Variants in C1QL3 observed in about 807,000 individuals in gnomAD.
C1QL3 encodes the protein complement C1q-like protein 3.
In C1QL3, 4 loss-of-function variants were observed where a neutral mutation model predicts 16.6. The observed-to-expected ratio is 0.24, with a 90% confidence interval of 0.12 to 0.55. C1QL3 has a LOEUF of 0.55. Among genes scored for constraint, C1QL3 ranks in the 20% least tolerant of loss-of-function variants. The pLI, the probability that C1QL3 is intolerant of heterozygous loss-of-function variation, is 0.94. For missense variants in C1QL3, 269 were observed against 365.6 expected, an observed-to-expected ratio of 0.74 and a Z score of 2.16; for synonymous variants, 189 against 160.2, an observed-to-expected ratio of 1.18 and a Z score of -1.36.
rs866741804 is a variant in C1QL3 at position 16,514,447 on chromosome 10, C to T, written c.*81G>A. ...ACTGAGGTGCCCTGCCATTGGCATC[C>T]CCTGGGATCCTTGATTCACTGACGT... On this transcript the variant is annotated 3_prime_UTR_variant, in exon 2 of 2. Coordinates refer to ENST00000298943, the MANE Select transcript of C1QL3 (RefSeq NM_001010908.2). 1 of 1,238,092 alleles carries T rather than the reference C, an allele frequency of 8.1e-7. No homozygotes were observed. Among genetic ancestry groups the T allele is most frequent in the East Asian group, 2.3e-5 (1 of 42,930 alleles). The allele number at this position is 1,238,092 out of a possible 1,614,324, so 76.7% of individuals were successfully genotyped here.
intron 1 of C1QL3, among the ~76,000 whole-genome samples, chr10:16,519,114 C>CT (rs1250625997): frequency 7.4e-5 from 5 of 67,174 alleles, no homozygotes; most frequent in Admixed American, 4.1e-4. Flanking sequence ...CGTTTTTTGT[C>CT]TTTTTTCTCT....
intron 1 of C1QL3, among the ~76,000 whole-genome samples, chr10:16,517,252 G>A (rs978306714): frequency 2.0e-5 from 3 of 152,088 alleles, no homozygotes; most frequent in African/African-American, 7.2e-5. Flanking sequence ...TCTGCTTTAT[G>A]TTTAGTCCGT....
chr10:16,520,481 G>T lies in C1QL3; in HGVS notation c.585C>A (p.Asn195Lys), dbSNP rs1460663342. 1 of 1,569,452 alleles carries T rather than the reference G, an allele frequency of 6.4e-7. No homozygotes were observed. The highest frequency in any genetic ancestry group is 8.6e-7 in the Non-Finnish European group (1 of 1,156,420). ...CCCGCCGCCCGCCCGCGCTCACCTG[G>T]TTGTTTTTGCAGAGATCAGCCCACA... ...TSMWADLCKNNQVRASAIAQD... is the reference protein window; with the variant it reads ...TSMWADLCKNKQVRASAIAQD... The change falls in exon 1 of 2, where the codon AAC becomes AAA. Residue 195 changes from asparagine to lysine, a missense_variant. Coordinates refer to ENST00000298943, the MANE Select transcript of C1QL3 (RefSeq NM_001010908.2). The surrounding 1 kb of genome is among the most constrained non-coding windows in gnomAD (Gnocchi z 8.3).
rs1420444046 is a variant in C1QL3 at position 16,520,384 on chromosome 10, G to A, written c.588+94C>T. The A allele has an allele frequency of 1.2e-5, 12 of 988,980 alleles. No individual in the cohort carries two copies. Among genetic ancestry groups the A allele is most frequent in the East Asian group, 3.0e-5 (1 of 33,608 alleles). The allele number at this position is 988,980 out of a possible 1,614,324, so 61.3% of individuals were successfully genotyped here. ...AGCCCGGCCGCCGCGCCCTTCCTCCGCGGGCTCCCACCCCCATTTCCGGGG... is the reference window on the plus strand; with the variant it reads ...AGCCCGGCCGCCGCGCCCTTCCTCCACGGGCTCCCACCCCCATTTCCGGGG... On this transcript the variant is annotated intron_variant, in intron 1 of 1. Coordinates refer to ENST00000298943, the MANE Select transcript of C1QL3 (RefSeq NM_001010908.2). The surrounding 1 kb of genome is among the most constrained non-coding windows in gnomAD (Gnocchi z 8.3).
intron 1 of C1QL3, among the ~76,000 whole-genome samples, chr10:16,516,907 A>G (rs887879005): frequency 3.9e-5 from 6 of 152,172 alleles, no homozygotes; most frequent in African/African-American, 1.4e-4. Context: ...CCTATACTGT[A>G]CCGTAAGACT....
Position 16,521,079 on chromosome 10 carries a change from GC to G in C1QL3, c.-15del. On this transcript the variant is annotated 5_prime_UTR_variant, in exon 1 of 2. Transcript: ENST00000298943. ...CAGCAGCACCATCACCACCCCCAGC[GC>G]CCCGGCGGCGATCAGGCGCCTCCTG... 1 of 1,587,992 alleles carries G rather than the reference GC, an allele frequency of 6.3e-7. No homozygotes were observed. The highest frequency in any genetic ancestry group is 8.5e-7 in the Non-Finnish European group (1 of 1,173,352).
chr10:16,517,629 C>T (rs1275196248), intron 1 of C1QL3, among the ~76,000 whole-genome samples: 1 of 152,100 alleles, frequency 6.6e-6, no homozygotes, highest in Non-Finnish European at 1.5e-5. Context: ...GGGCTTTCAA[C>T]AAATGGTAGG....
rs1261428134 is a variant in C1QL3 at position 16,521,058 on chromosome 10, A to G, written c.8T>C (p.Leu3Pro). The change falls in exon 1 of 2, where the codon CTG (leucine) becomes CCG (proline). Residue 3 changes from leucine (L) to proline (P), a missense_variant. Leu to Pro is a moderately conservative substitution (Grantham distance 98). Transcript: ENST00000298943. ...CACCGGGATGAGGATCACCAGCAGC[A>G]GCACCATCACCACCCCCAGCGCCCC... The part of the protein sequence containing the change: MV[L>P]LLVILIPVLV... 1 of 1,598,662 alleles carries G rather than the reference A, an allele frequency of 6.3e-7. No individual in the cohort carries two copies.
intron 1 of C1QL3, among the ~76,000 whole-genome samples, chr10:16,515,156 T>C (rs1402717628): frequency 6.6e-6 from 1 of 151,648 alleles, no homozygotes; most frequent in Non-Finnish European, 1.5e-5. Flanking sequence ...ACCACAATTA[T>C]TAGAAAATTG....
In C1QL3 at chr10:16,521,169, G is replaced by A; in HGVS notation, c.-104C>T. 1 of 1,121,860 alleles carries A rather than the reference G, an allele frequency of 8.9e-7. No homozygotes were observed. The highest frequency in any genetic ancestry group is 1.3e-6 in the Non-Finnish European group (1 of 788,976). The allele number at this position is 1,121,860 out of a possible 1,614,324, so 69.5% of individuals were successfully genotyped here. On this transcript the variant is annotated 5_prime_UTR_variant, in exon 1 of 2. Coordinates refer to ENST00000298943, the MANE Select transcript of C1QL3 (RefSeq NM_001010908.2). The stretch of plus-strand genomic sequence containing the variant: ...TCTGCTTTTGGACAGAATTTTGAAG[G>A]TTGGGCGGGGACCTCTTCAGAGCCG...
rs1564418234 is a variant in C1QL3 at position 16,520,198 on chromosome 10, C to T, written c.588+280G>A. ...ACGAGCTGTCCCCGGGACCCAGCTCCCGGCTTCCCGCCCCTCGAGGGTCGC... is the reference window on the plus strand; with the variant it reads ...ACGAGCTGTCCCCGGGACCCAGCTCTCGGCTTCCCGCCCCTCGAGGGTCGC... On this transcript the variant is annotated intron_variant, in intron 1 of 1. Coordinates refer to ENST00000298943, the MANE Select transcript of C1QL3 (RefSeq NM_001010908.2). The surrounding 1 kb of genome is among the most constrained non-coding windows in gnomAD (Gnocchi z 8.3). Among the ~76,000 whole-genome samples the T allele has an allele frequency of 6.6e-6, 1 of 152,176 alleles. No individual in the cohort carries two copies. Among genetic ancestry groups the T allele is most frequent in the Admixed American group, 6.5e-5 (1 of 15,286 alleles).
chr10:16,515,780 A>T (rs1230826089), intron 1 of C1QL3, among the ~76,000 whole-genome samples: 1 of 152,190 alleles, frequency 6.6e-6, no homozygotes, highest in East Asian at 1.9e-4. Flanking sequence ...TCAGTAAAAC[A>T]TCTTCTACTT....
chr10:16,514,320 T>C lies in C1QL3; in HGVS notation c.*208A>G. The C allele has an allele frequency of 1.7e-6, 1 of 579,840 alleles. No homozygotes were observed. The highest frequency in any genetic ancestry group is 3.0e-6 in the Non-Finnish European group (1 of 328,310). The allele number at this position is 579,840 out of a possible 1,614,324, so 35.9% of individuals were successfully genotyped here. A position where few individuals can be genotyped will look rare whatever the true frequency, so the allele number is the denominator to read the frequency against. Reference sequence around the variant, plus strand: ...TAAGGAGTATTTGCTTTGGCGGTAGTGGATCACACATCTGCTTATCTTGCT... The same window carrying C: ...TAAGGAGTATTTGCTTTGGCGGTAGCGGATCACACATCTGCTTATCTTGCT... On this transcript the variant is annotated 3_prime_UTR_variant, in exon 2 of 2. Transcript: ENST00000298943.
rs1219534852 is a variant in C1QL3, at chr10:16,520,774, G to C, written c.292C>G (p.Arg98Gly). 1 of 1,305,316 alleles carries C rather than the reference G, an allele frequency of 7.7e-7. No homozygotes were observed. The allele number at this position is 1,305,316 out of a possible 1,614,324, so 80.9% of individuals were successfully genotyped here. The change falls in exon 1 of 2, where the codon CGC becomes GGC. Residue 98 changes from arginine (R) to glycine (G), a missense_variant. This residue lies in a region of C1QL3 where 246 missense variants were observed against 297.2 expected (regional missense o/e 0.83). Coordinates refer to ENST00000298943, the MANE Select transcript of C1QL3 (RefSeq NM_001010908.2). The surrounding 1 kb of genome is among the most constrained non-coding windows in gnomAD (Gnocchi z 8.3). The stretch of plus-strand genomic sequence containing the variant: ...CCGGGCGGGCCCGGCAGGCCTTGGC[G>C]GCCCGGCTCGCCCTTCTCGCCCGGG... ...GPPGEKGEPG[R>G]QGLPGPPGAP...
chr10:16,514,791 G>A, intron 1 of C1QL3, 84 bp from the exon 2 acceptor site: 1 of 984,914 alleles, frequency 1.0e-6, no homozygotes, highest in Non-Finnish European at 1.5e-6. Context: ...ATCACAAGCT[G>A]ACTTGCTGCC....
Position 16,521,255 on chromosome 10 carries a change from A to G in C1QL3, c.-190T>C. 1.8e-6 allele frequency: 1 copy of G among 543,850 alleles called. No homozygotes were observed. The highest frequency in any genetic ancestry group is 3.2e-6 in the Non-Finnish European group (1 of 314,960). The allele number at this position is 543,850 out of a possible 1,614,324, so 33.7% of individuals were successfully genotyped here. On this transcript the variant is annotated 5_prime_UTR_variant, in exon 1 of 2. Coordinates refer to ENST00000298943, the MANE Select transcript of C1QL3 (RefSeq NM_001010908.2). ...GTGCGTGCGCCGGCCGCTGCTGCCG[A>G]CTCCTGCTCCCCCCGCGGAGGCTGC... is the stretch of plus-strand genomic sequence containing the variant.
Position 16,521,306 on chromosome 10 carries a change from A to T in C1QL3, c.-241T>A. On this transcript the variant is annotated 5_prime_UTR_variant, in exon 1 of 2. Transcript: ENST00000298943. ...GGCTGGGGAGGGAGCGCGGGCGCCC[A>T]GTGACTTGAGCCGAAGTCCCGAGCC... The T allele has an allele frequency of 2.2e-6, 1 of 461,772 alleles. No homozygotes were observed. The highest frequency in any genetic ancestry group is 3.8e-6 in the Non-Finnish European group (1 of 262,404). The allele number at this position is 461,772 out of a possible 1,614,324, so 28.6% of individuals were successfully genotyped here. A position where few individuals can be genotyped will look rare whatever the true frequency, so the allele number is the denominator to read the frequency against.
rs762617699 is a variant in C1QL3 at position 16,520,966 on chromosome 10, G to A, written c.100C>T (p.Pro34Ser). 1 of 1,586,554 alleles carries A rather than the reference G, an allele frequency of 6.3e-7. No individual in the cohort carries two copies. Among genetic ancestry groups the A allele is most frequent in the Non-Finnish European group, 8.5e-7 (1 of 1,173,550 alleles). Reference sequence around the variant, plus strand: ...CTGGGCGCCTTGGTGCCCCCGTAGGGGTCGCAGACCATGCGGCAGGTGCCC... The same window carrying A: ...CTGGGCGCCTTGGTGCCCCCGTAGGAGTCGCAGACCATGCGGCAGGTGCCC... ...MLGTCRMVCD[P>S]YGGTKAPSTA... is the part of the protein sequence containing the mutation. Residue 34 changes from proline (P) to serine (S), a missense_variant, in exon 1 of 2, where the codon CCC (proline) becomes TCC (serine). This residue lies in a region of C1QL3 where 246 missense variants were observed against 297.2 expected (regional missense o/e 0.83). Transcript: ENST00000298943. The surrounding 1 kb of genome is among the most constrained non-coding windows in gnomAD (Gnocchi z 8.3).
At position 16,521,395 on chromosome 10, in the gene C1QL3, TG is replaced by T. The variant is rs1381636536; in HGVS notation, c.-331del. 1.6e-5 allele frequency: 3 copies of T among 189,564 alleles called. No individual in the cohort carries two copies. The highest frequency in any genetic ancestry group is 6.2e-5 in the Admixed American group (1 of 16,206). 11.7% of individuals were successfully genotyped at this position (189,564 alleles called of 1,614,324 possible). A position where few individuals can be genotyped will look rare whatever the true frequency, so the allele number is the denominator to read the frequency against. ...CGCCCCCCGCGAGCTCCTTCGCACC[TG>T]TGGCTGCAGCCGGCGCCGGCGCGGC... is the stretch of plus-strand genomic sequence containing the variant. On this transcript the variant is annotated 5_prime_UTR_variant, in exon 1 of 2. Coordinates refer to ENST00000298943, the MANE Select transcript of C1QL3 (RefSeq NM_001010908.2).
Sources: allele counts gnomAD v4.1 joint callset (sites outside exome capture counted in the v4.1 genomes callset), GRCh38; gene constraint gnomAD v4.1.1; regional missense constraint gnomAD v4.1.1; non-coding constraint Gnocchi (gnomAD v3.1); transcripts MANE v1.5; gene names NCBI Gene and HGNC (gene_info 2026-07-23, HGNC 2026-07-21).